The following SELENBP1 variants were observed in gnomAD, a reference collection of about 807,000 sequenced individuals.
SELENBP1 encodes methanethiol oxidase.
Under a neutral mutation model 61.0 loss-of-function variants are expected in SELENBP1, and 71 were observed. That is an observed-to-expected ratio of 1.16 (90% CI 0.96 to 1.42). The LOEUF (loss-of-function observed/expected upper bound fraction) is 1.42, where lower values mean the gene tolerates loss of function less well. SELENBP1 is among the 40% of genes most tolerant of loss of function. SELENBP1 has a pLI of 0.00. For missense variants in SELENBP1, 561 were observed against 605.0 expected, an observed-to-expected ratio of 0.93 and a Z score of 0.76; for synonymous variants, 270 against 238.9, an observed-to-expected ratio of 1.13 and a Z score of -1.20.
At chr1:151,367,992 A>C (rs138800190) in intron 5 of SELENBP1, among the ~76,000 whole-genome samples, 4 of 152,350 alleles carry the variant, frequency 2.6e-5, no homozygotes, top group African/African-American at 9.6e-5. Flanking sequence ...TTTGAACTGA[A>C]TTCATCAGTG....
Position 151,365,061 on chromosome 1 carries a change from G to T in SELENBP1, c.1138-17C>A. On this transcript the variant is annotated splice_polypyrimidine_tract_variant and intron_variant, in intron 10 of 11. Transcript: ENST00000368868. ...CCGTTTTCCCTTGGGAAAACCAGGG[G>T]TCAGAGCCCAGGGTAACACACAGAT... 6.2e-7 allele frequency: 1 copy of T among 1,600,962 alleles called. No individual in the cohort carries two copies. Among genetic ancestry groups the T allele is most frequent in the African/African-American group, 1.3e-5 (1 of 74,884 alleles).
At chr1:151,366,160 T>C (rs1433304983) in intron 7 of SELENBP1, 115 bp downstream of exon 7, 1 of 1,261,310 alleles carries the variant, frequency 7.9e-7, no homozygotes, top group Non-Finnish European at 1.1e-6. Flanking sequence ...AGACAGGGCA[T>C]GCAGCCTCAT....
intron 6 of SELENBP1, 68 bp downstream of exon 6, chr1:151,366,654 G>T: frequency 6.4e-7 from 1 of 1,559,510 alleles, no homozygotes; most frequent in Non-Finnish European, 8.8e-7. Flanking sequence ...GTGGGGGTGG[G>T]AGATTTGGAG....
At chr1:151,369,835 T>C (rs2102099959) in intron 1 of SELENBP1, 66 bp from the exon 2 acceptor site, 1 of 1,551,646 alleles carries the variant, frequency 6.4e-7, no homozygotes, top group Non-Finnish European at 8.7e-7. Context: ...CTCCGCACGT[T>C]CTGCAGCACA....
intron 1 of SELENBP1, 91 bp from the exon 2 acceptor site, chr1:151,369,860 A>T (rs1030557828): frequency 6.4e-7 from 1 of 1,551,342 alleles, no homozygotes; most frequent in Admixed American, 2.0e-5. Flanking sequence ...CCAGCGGGCC[A>T]CGGCAGTGCG....
In SELENBP1 at chr1:151,368,308, G is replaced by A. The variant is rs769233231; in HGVS notation, c.372C>T (p.Pro124=). The change falls in exon 5 of 12, where the codon CCC becomes CCT. Residue 124 remains proline (P), a synonymous_variant. Coordinates refer to ENST00000368868, the MANE Select transcript of SELENBP1 (RefSeq NM_003944.4). ...RAPKLHKVIE[P]KDIHAKCELA... The stretch of plus-strand genomic sequence containing the variant: ...GTTCGCACTTGGCATGGATGTCCTT[G>A]GGCTCAATGACCTGGAAGGGGTGGG... 2.5e-6 allele frequency: 4 copies of A among 1,614,166 alleles called. No individual in the cohort carries two copies. The South Asian group carries it at 4.4e-5, about 18-fold the overall frequency.
Position 151,366,825 on chromosome 1 carries a change from G to A in SELENBP1, c.561C>T (p.Gly187=). 6.2e-7 allele frequency: 1 copy of A among 1,614,148 alleles called. No homozygotes were observed. The highest frequency in any genetic ancestry group is 8.5e-7 in the Non-Finnish European group (1 of 1,180,026). ...WERPGGAAPL[G]YDFWYQPRHN... Reference sequence around the variant, plus strand: ...GTCGAGGCTGGTACCAGAAGTCATAGCCCAACGGTGCAGCACCCCCAGGTC... The same window carrying A: ...GTCGAGGCTGGTACCAGAAGTCATAACCCAACGGTGCAGCACCCCCAGGTC... Residue 187 remains glycine, a synonymous_variant, in exon 6 of 12, where the codon GGC becomes GGT. Coordinates refer to ENST00000368868, the MANE Select transcript of SELENBP1 (RefSeq NM_003944.4).
rs753984596 is a variant in SELENBP1 at position 151,365,605 on chromosome 1, C to G, written c.1002G>C (p.Gln334His). The G allele has an allele frequency of 3.7e-6, 6 of 1,614,074 alleles. 1 individual carries two copies. In the East Asian group the frequency reaches 8.9e-5, roughly 24 times the overall value. The change falls in exon 9 of 12, where the codon CAG becomes CAC. Residue 334 changes from glutamine to histidine, a missense_variant. Coordinates refer to ENST00000368868, the MANE Select transcript of SELENBP1 (RefSeq NM_003944.4). ...GTCTCTGTGGGTCAGAGATGTCATA[C>G]TGCCTCAGGTCCCCATGCAGCCAGT... ...FSNWLHGDLR[Q>H]YDISDPQRPR...
At chr1:151,364,753 C>T (rs1245029591) in intron 11 of SELENBP1, 48 bp from the exon 12 acceptor site, 2 of 1,536,176 alleles carry the variant, frequency 1.3e-6, no homozygotes, top group Non-Finnish European at 1.8e-6. Context: ...GGTGGCTGCC[C>T]CCTTCCCCTA....
Position 151,364,956 on chromosome 1 carries a change from C to T in SELENBP1, c.1226G>A (p.Trp409Ter). 6.2e-7 allele frequency: 1 copy of T among 1,613,980 alleles called. No individual in the cohort carries two copies. Among genetic ancestry groups the T allele is most frequent in the Non-Finnish European group, 8.5e-7 (1 of 1,179,982 alleles). Residue 409 changes from tryptophan (W) to a stop codon, truncating the protein, a stop_gained, in exon 11 of 12, where the codon TGG (tryptophan) becomes TAG (stop). Transcript: ENST00000368868. LOFTEE classifies it high-confidence loss of function. ...GAGATCAGGGTAAAACTGCTTGTCCCAGGCACTGTACAGCGACGTGGTGAT... is the reference window on the plus strand; with the variant it reads ...GAGATCAGGGTAAAACTGCTTGTCCTAGGCACTGTACAGCGACGTGGTGAT... ...LYITTSLYSA[W>*]DKQFYPDLIR...
chr1:151,366,780 A>G lies in SELENBP1; in HGVS notation c.606T>C (p.Thr202=). 1 of 1,614,110 alleles carries G rather than the reference A, an allele frequency of 6.2e-7. No individual in the cohort carries two copies. Among genetic ancestry groups the G allele is most frequent in the Non-Finnish European group, 8.5e-7 (1 of 1,180,018 alleles). ...YQPRHNVMIS[T]EWAAPNVLRD... ...GTAAGACATTGGGAGCTGCCCACTC[A>G]GTGCTGATCATGACATTGTGTCGAG... Residue 202 remains threonine (T), a synonymous_variant, in exon 6 of 12, where the codon ACT becomes ACC. Transcript: ENST00000368868.
intron 1 of SELENBP1, 126 bp downstream of exon 1, chr1:151,372,512 T>C: frequency 1.7e-6 from 2 of 1,207,408 alleles, no homozygotes; most frequent in Non-Finnish European, 2.4e-6. Flanking sequence ...CTGGGGACAA[T>C]GAAGCAGAGT....
rs1651723533 is a variant in SELENBP1 at position 151,365,001 on chromosome 1, A to G, written c.1181T>C (p.Leu394Pro). 6.2e-7 allele frequency: 1 copy of G among 1,612,702 alleles called. No homozygotes were observed. Among genetic ancestry groups the G allele is most frequent in the Non-Finnish European group, 8.5e-7 (1 of 1,179,594 alleles). ...GGTGATGTAGAGGCGCTTCCCATCC[A>G]GGCTGAGCTGGATCATCTGAGGGCC... ...AGGPQMIQLS[L>P]DGKRLYITTS... is the part of the protein sequence containing the mutation. Residue 394 changes from leucine to proline, a missense_variant, in exon 11 of 12, where the codon CTG (leucine) becomes CCG (proline). Coordinates refer to ENST00000368868, the MANE Select transcript of SELENBP1 (RefSeq NM_003944.4).
intron 9 of SELENBP1, 55 bp from the exon 10 acceptor site, chr1:151,365,336 G>T (rs1651751111): frequency 6.5e-7 from 1 of 1,542,484 alleles, no homozygotes; most frequent in Non-Finnish European, 8.9e-7. Context: ...CGCAAACATT[G>T]CAGGAAGAGC....
At chr1:151,371,697 A>T (rs1652145594) in intron 1 of SELENBP1, among the ~76,000 whole-genome samples, 3 of 152,188 alleles carry the variant, frequency 2.0e-5, no homozygotes, top group Non-Finnish European at 4.4e-5. Context: ...TACAAAAAAT[A>T]CAAAGCTAGG....
chr1:151,370,688 C>T lies in SELENBP1; in HGVS notation c.5-919G>A, dbSNP rs1015472139. On this transcript the variant is annotated intron_variant, in intron 1 of 11. Transcript: ENST00000368868. ...AGCACCCCAGCATCAGAGTTTGGGGCCTGCTGGGGAGCAGGGGTTAAAGAA... is the reference window on the plus strand; with the variant it reads ...AGCACCCCAGCATCAGAGTTTGGGGTCTGCTGGGGAGCAGGGGTTAAAGAA... Among the ~76,000 whole-genome samples the T allele has an allele frequency of 2.0e-5, 3 of 152,326 alleles. No individual in the cohort carries two copies. In the East Asian group the frequency reaches 5.8e-4, roughly 29 times the overall value.
chr1:151,365,147 A>G (rs1443393359), intron 10 of SELENBP1, 42 bp downstream of exon 10: 1 of 1,593,190 alleles, frequency 6.3e-7, no homozygotes, highest in South Asian at 1.1e-5. Context: ...TTCCTCAAGC[A>G]TGGGTCTGAG....
At chr1:151,365,706 A>G (rs1014227149) in intron 8 of SELENBP1, 22 bp from the exon 9 acceptor site, 4 of 1,613,916 alleles carry the variant, frequency 2.5e-6, no homozygotes, top group Admixed American at 1.7e-5. Flanking sequence ...GGGCGAGTAG[A>G]GCCTTTAAGG....
Position 151,367,355 on chromosome 1 carries a change from A to AAAAAAAAGAAAAAGAAAAG in SELENBP1, c.482-452_482-451insCTTTTCTTTTTCTTTTTTT, listed in dbSNP as rs966572769. 6 of 49,264 alleles carry AAAAAAAAGAAAAAGAAAAG rather than the reference A, an allele frequency of 1.2e-4. 2 individuals carry two copies. Among genetic ancestry groups the AAAAAAAAGAAAAAGAAAAG allele is most frequent in the African/African-American group, 1.6e-4 (2 of 12,404 alleles). The allele number at this position is 49,264 out of a possible 1,614,324, so 3.1% of individuals were successfully genotyped here. A position where few individuals can be genotyped will look rare whatever the true frequency, so the allele number is the denominator to read the frequency against. On this transcript the variant is annotated intron_variant, in intron 5 of 11. Coordinates refer to ENST00000368868, the MANE Select transcript of SELENBP1 (RefSeq NM_003944.4). ...CGAGACTCCCATCTCAAAAAAAAAA[A>AAAAAAAAGAAAAAGAAAAG]AAAAAGAGAAAAGAAAAAGAAAAAA...
Sources: allele counts gnomAD v4.1 joint callset (sites outside exome capture counted in the v4.1 genomes callset), GRCh38; gene constraint gnomAD v4.1.1; transcripts MANE v1.5; gene names NCBI Gene and HGNC (gene_info 2026-07-23, HGNC 2026-07-21).